The following MTTP variants were observed in gnomAD, a reference collection of about 807,000 sequenced individuals.
The protein encoded by MTTP is microsomal triglyceride transfer protein large subunit.
In MTTP, 49 loss-of-function variants were observed where a neutral mutation model predicts 90.6. That is an observed-to-expected ratio of 0.54 (90% confidence interval 0.43 to 0.69). MTTP has a LOEUF of 0.69. Among genes scored for constraint, MTTP ranks in the 30% least tolerant of loss-of-function variants. The pLI, the probability that MTTP is intolerant of heterozygous loss-of-function variation, is 0.00. For missense variants in MTTP, 945 were observed against 1,067.5 expected (o/e 0.89, Z 1.60); for synonymous variants, 347 against 384.2 (o/e 0.90, Z 1.13).
chr4:99,585,973 A>C (rs1377633654), intron 3 of MTTP, among the ~76,000 whole-genome samples: 1 of 152,146 alleles, frequency 6.6e-6, no homozygotes, highest in African/African-American at 2.4e-5. Flanking sequence ...GAAATTATGG[A>C]CAGGCAGAGT....
chr4:99,614,913 C>T (rs900817520), intron 15 of MTTP, among the ~76,000 whole-genome samples: 3 of 152,110 alleles, frequency 2.0e-5, no homozygotes, highest in African/African-American at 7.2e-5. Context: ...AAGAGCAGTG[C>T]GTCTTGTATC....
intron 14 of MTTP, among the ~76,000 whole-genome samples, chr4:99,612,527 A>G (rs1441740059): frequency 6.6e-6 from 1 of 152,206 alleles, no homozygotes; most frequent in Admixed American, 6.5e-5. Context: ...GATGCGTTGT[A>G]TATGACAGTC....
intron 10 of MTTP, 127 bp from the exon 11 acceptor site, chr4:99,606,621 T>G: frequency 1.1e-6 from 1 of 893,910 alleles, no homozygotes; most frequent in Non-Finnish European, 1.9e-6. Flanking sequence ...TGTGCCTCAG[T>G]CAAGCAACCA....
At chr4:99,619,731 A>G (rs1315919350) in intron 16 of MTTP, among the ~76,000 whole-genome samples, 1 of 152,220 alleles carries the variant, frequency 6.6e-6, no homozygotes, top group Non-Finnish European at 1.5e-5. Context: ...ACATTCAGGC[A>G]AAAGTGAGAT....
chr4:99,573,944 G>C (rs1724893701), upstream of MTTP, among the ~76,000 whole-genome samples: 1 of 152,138 alleles, frequency 6.6e-6, no homozygotes, highest in African/African-American at 2.4e-5. Flanking sequence ...GTTCATATCA[G>C]GTCTCTCTCA....
chr4:99,593,911 C>T (rs2110220039), intron 6 of MTTP, among the ~76,000 whole-genome samples: 1 of 152,290 alleles, frequency 6.6e-6, no homozygotes, highest in South Asian at 2.1e-4. Context: ...AATCACTGTA[C>T]TGTTCTCTGT....
At chr4:99,619,904 T>C (rs1726187825) in intron 16 of MTTP, among the ~76,000 whole-genome samples, 1 of 152,194 alleles carries the variant, frequency 6.6e-6, no homozygotes, top group Non-Finnish European at 1.5e-5. Flanking sequence ...CAATATAACT[T>C]AGGGCTTCCC....
chr4:99,617,581 T>C (rs1258006563), intron 15 of MTTP, among the ~76,000 whole-genome samples: 1 of 152,174 alleles, frequency 6.6e-6, no homozygotes, highest in Non-Finnish European at 1.5e-5. Context: ...ATTTAAGATC[T>C]TTGGAGGAAT....
intron 1 of MTTP, among the ~76,000 whole-genome samples, chr4:99,579,909 A>G (rs1034403025): frequency 6.6e-5 from 10 of 151,138 alleles, no homozygotes; most frequent in African/African-American, 2.4e-4. Flanking sequence ...TAGTGGCGTG[A>G]GTGTGTGGTC....
chr4:99,572,276 T>C (rs1724857259), upstream of MTTP, among the ~76,000 whole-genome samples: 1 of 152,010 alleles, frequency 6.6e-6, no homozygotes, highest in Non-Finnish European at 1.5e-5. Flanking sequence ...CTATCATAGA[T>C]CAGTTTTACC....
At chr4:99,595,947 A>C (rs1200731543) in intron 7 of MTTP, among the ~76,000 whole-genome samples, 3 of 152,010 alleles carry the variant, frequency 2.0e-5, no homozygotes, top group African/African-American at 7.2e-5. Flanking sequence ...TATTATAGAA[A>C]ATGATTTATT....
Position 99,621,354 on chromosome 4 carries a change from T to C in MTTP, c.2513+123T>C, listed in dbSNP as rs1726227504. 3 of 1,293,264 alleles carry C rather than the reference T, an allele frequency of 2.3e-6. No homozygotes were observed. The Admixed American group carries it at 5.4e-5, about 23-fold the overall frequency. 80.1% of individuals were successfully genotyped at this position (1,293,264 alleles called of 1,614,324 possible). A position where few individuals can be genotyped will look rare whatever the true frequency, so the allele number is the denominator to read the frequency against. ...CAGTAGAAACCCAGGGAAAGATGAA[T>C]TTTCTTTAAATGAGTAGAAGAATAA... On this transcript the variant is annotated intron_variant, in intron 17 of 17. Coordinates refer to ENST00000265517, the MANE Select transcript of MTTP (RefSeq NM_001386140.1).
chr4:99,570,940 A>G (rs1042707058), upstream of MTTP: 7 of 358,600 alleles, frequency 2.0e-5, no homozygotes, highest in African/African-American at 1.5e-4. Context: ...TCCCTGTGAG[A>G]CCAGTGTTAG....
chr4:99,565,864 T>G (rs1724678503), intron 1 of MTTP, among the ~76,000 whole-genome samples: 1 of 152,208 alleles, frequency 6.6e-6, no homozygotes, highest in African/African-American at 2.4e-5. Flanking sequence ...GTCATAGTTT[T>G]GCACATGACT....
rs1416505877 is a variant in MTTP at position 99,597,242 on chromosome 4, T to A, written c.1067+18T>A. 8.1e-6 allele frequency: 13 copies of A among 1,610,752 alleles called. No homozygotes were observed. The highest frequency in any genetic ancestry group is 1.1e-5 in the Non-Finnish European group (13 of 1,179,134). ...GAAGTATTGTAAGTTCCCCAACCTT[T>A]GTGTGGGGTTGTCTGTCAGAAACAT... On this transcript the variant is annotated intron_variant, in intron 8 of 17. Coordinates refer to ENST00000265517, the MANE Select transcript of MTTP (RefSeq NM_001386140.1).
intron 10 of MTTP, 51 bp downstream of exon 10, chr4:99,601,765 T>C (rs1725704570): frequency 7.4e-7 from 1 of 1,351,710 alleles, no homozygotes; most frequent in African/African-American, 1.4e-5. Context: ...CCATTGTCCA[T>C]TTGATACTCA....
intron 1 of MTTP, among the ~76,000 whole-genome samples, chr4:99,565,172 G>T (rs2110201572): frequency 6.6e-6 from 1 of 152,288 alleles, no homozygotes; most frequent in Admixed American, 6.5e-5. Flanking sequence ...ATTCAGGCTG[G>T]CAAAGTGATG....
intron 13 of MTTP, 23 bp downstream of exon 13, chr4:99,611,263 C>A (rs753844470): frequency 1.4e-5 from 22 of 1,613,550 alleles, no homozygotes; most frequent in Non-Finnish European, 1.7e-5. Flanking sequence ...AAAAGAGGTT[C>A]TCCTTCCATA....
At chr4:99,591,521 AG>A in intron 5 of MTTP, 129 bp from the exon 6 acceptor site, 2 of 1,131,570 alleles carry the variant, frequency 1.8e-6, no homozygotes, top group Non-Finnish European at 2.6e-6. Context: ...CAATTGTTGT[AG>A]GTGTTAGTAA....
Sources: gnomAD v4.1 joint callset for allele counts (sites outside exome capture counted in the v4.1 genomes callset) on GRCh38, gnomAD v4.1.1 for gene constraint, MANE v1.5 for transcripts, NCBI Gene and HGNC (gene_info 2026-07-23, HGNC 2026-07-21) for gene names.